PIEZO2: variants seen among roughly 807,000 people sequenced by gnomAD.
PIEZO2 encodes the protein piezo type mechanosensitive ion channel component 2, also known as piezo-type mechanosensitive ion channel component 2.
Under a neutral mutation model 337.3 loss-of-function variants are expected in PIEZO2, and 172 were observed. The observed-to-expected ratio is 0.51, with a 90% CI of 0.45 to 0.58. PIEZO2 has a LOEUF of 0.58. Among genes scored for constraint, PIEZO2 ranks in the 20% least tolerant of loss-of-function variants. The pLI is 0.00. For missense variants in PIEZO2, 3,028 were observed against 3,391.3 expected (o/e 0.89, Z 2.66); for synonymous variants, 1,251 against 1,228.5 (o/e 1.02, Z -0.38).
In PIEZO2 at chr18:10,724,801, G is replaced by A; in HGVS notation, c.5030-6542C>T. On this transcript the variant is annotated intron_variant, in intron 36 of 55. Coordinates refer to ENST00000674853, the MANE Select transcript of PIEZO2 (RefSeq NM_001378183.1). The surrounding 1 kb of genome is among the most constrained non-coding windows in gnomAD (Gnocchi z 5.8). Reference sequence around the variant, plus strand: ...CCCCCCAGCACTGCAGCCCCAGCCTGAGCAGCAGTCGTTCTCACAGATGCA... The same window carrying A: ...CCCCCCAGCACTGCAGCCCCAGCCTAAGCAGCAGTCGTTCTCACAGATGCA... 3 of 1,588,402 alleles carry A rather than the reference G, an allele frequency of 1.9e-6. No homozygotes were observed. Among genetic ancestry groups the A allele is most frequent in the Non-Finnish European group, 1.7e-6 (2 of 1,165,828 alleles).
chr18:10,931,665 C>G (rs1039813649), intron 3 of PIEZO2, among the ~76,000 whole-genome samples: 2 of 151,956 alleles, frequency 1.3e-5, no homozygotes, highest in African/African-American at 4.8e-5. Flanking sequence ...TCTGTTCTCT[C>G]TCCCTCTCAT....
At chr18:11,123,582 G>C (rs1160760722) in intron 1 of PIEZO2, among the ~76,000 whole-genome samples, 1 of 152,144 alleles carries the variant, frequency 6.6e-6, no homozygotes, top group Admixed American at 6.5e-5. Flanking sequence ...GCCGAGGCGG[G>C]CGGATCATGA....
At position 10,706,365 on chromosome 18, in the gene PIEZO2, G is replaced by A. The variant is rs114790049; in HGVS notation, c.5589-619C>T. Among the ~76,000 whole-genome samples the A allele has an allele frequency of 8.1e-3, 1,231 of 152,022 alleles. 18 individuals carry two copies. The highest frequency in any genetic ancestry group is 0.028 in the African/African-American group (1,145 of 41,438). On this transcript the variant is annotated intron_variant, in intron 40 of 55. Coordinates refer to ENST00000674853, the MANE Select transcript of PIEZO2 (RefSeq NM_001378183.1). ...CCTTTTTTGCATTTCTGTGCATCCCGTCTGCGGAATCTCCACCCTCGTCCC... is the reference window on the plus strand; with the variant it reads ...CCTTTTTTGCATTTCTGTGCATCCCATCTGCGGAATCTCCACCCTCGTCCC...
At position 10,856,918 on chromosome 18, in the gene PIEZO2, A is replaced by C. The variant is rs1008079362; in HGVS notation, c.703+83T>G. Reference sequence around the variant, plus strand: ...TGTGGTGGAACAGACTGTTTCCTTCATTTCTTCTTCAACCATTTCTCTCAT... The same window carrying C: ...TGTGGTGGAACAGACTGTTTCCTTCCTTTCTTCTTCAACCATTTCTCTCAT... On this transcript the variant is annotated intron_variant, in intron 6 of 55. Coordinates refer to ENST00000674853, the MANE Select transcript of PIEZO2 (RefSeq NM_001378183.1). This position sits in a 1 kb window ranked among gnomAD's most constrained non-coding sequence, Gnocchi z 4.7. 37 of 1,278,920 alleles carry C rather than the reference A, an allele frequency of 2.9e-5. No homozygotes were observed. Among genetic ancestry groups the C allele is most frequent in the Non-Finnish European group, 3.8e-5 (35 of 919,444 alleles). 79.2% of individuals were successfully genotyped at this position (1,278,920 alleles called of 1,614,324 possible).
Position 11,048,436 on chromosome 18 carries a change from T to C in PIEZO2, c.160+17691A>G, listed in dbSNP as rs1056735023. ...GCATATTTTGTACCAGTATTCTCAGTGTGTTTATTTGACTTCCCTGCTTAA... is the reference window on the plus strand; with the variant it reads ...GCATATTTTGTACCAGTATTCTCAGCGTGTTTATTTGACTTCCCTGCTTAA... On this transcript the variant is annotated intron_variant, in intron 2 of 55. Transcript: ENST00000674853. The surrounding 1 kb of genome is among the most constrained non-coding windows in gnomAD (Gnocchi z 4.5). Among the ~76,000 whole-genome samples, 4 of 152,156 alleles carry C rather than the reference T, an allele frequency of 2.6e-5. No homozygotes were observed. The highest frequency in any genetic ancestry group is 9.7e-5 in the African/African-American group (4 of 41,432).
intron 2 of PIEZO2, among the ~76,000 whole-genome samples, chr18:10,990,592 G>T (rs568504869): frequency 6.6e-6 from 1 of 151,716 alleles, no homozygotes; most frequent in South Asian, 2.1e-4. Flanking sequence ...ATATATACAT[G>T]ATAATTTTAT....
chr18:10,682,376 C>T lies in PIEZO2; in HGVS notation c.7498-84G>A. On this transcript the variant is annotated intron_variant, in intron 49 of 55. Coordinates refer to ENST00000674853, the MANE Select transcript of PIEZO2 (RefSeq NM_001378183.1). The surrounding 1 kb of genome is among the most constrained non-coding windows in gnomAD (Gnocchi z 5.6). ...GCGGGATTGGGGGAGAGCGAGTGCT[C>T]TTCCTGTGGTGCTGGGAACATGGAT... The T allele has an allele frequency of 1.6e-6, 2 of 1,217,968 alleles. No homozygotes were observed. Among genetic ancestry groups the T allele is most frequent in the South Asian group, 3.0e-5 (2 of 67,170 alleles). 75.4% of individuals were successfully genotyped at this position (1,217,968 alleles called of 1,614,324 possible).
chr18:11,057,834 A>T (rs894831253), intron 2 of PIEZO2, among the ~76,000 whole-genome samples: 2 of 152,248 alleles, frequency 1.3e-5, no homozygotes, highest in Admixed American at 6.5e-5. Context: ...AAGCATTTTT[A>T]AAAACAAAAT....
At chr18:11,041,685 TA>T (rs889718869) in intron 2 of PIEZO2, among the ~76,000 whole-genome samples, 14 of 151,944 alleles carry the variant, frequency 9.2e-5, no homozygotes, top group African/African-American at 3.1e-4. Context: ...CTTCTTAATG[TA>T]AAAAAAATAC....
At chr18:10,732,325 G>A (rs1202621792) in intron 35 of PIEZO2, among the ~76,000 whole-genome samples, 1 of 152,088 alleles carries the variant, frequency 6.6e-6, no homozygotes, top group Non-Finnish European at 1.5e-5. Context: ...AACACACCTG[G>A]GTCTCAGGGA....
At chr18:10,922,512 G>A (rs554404047) in intron 3 of PIEZO2, among the ~76,000 whole-genome samples, 4 of 152,232 alleles carry the variant, frequency 2.6e-5, no homozygotes, top group Admixed American at 2.0e-4. Flanking sequence ...GGAACCAGGG[G>A]CTGAGCAGAG....
chr18:10,747,622 GGT>G (rs1407452622), intron 30 of PIEZO2, among the ~76,000 whole-genome samples: 1 of 152,174 alleles, frequency 6.6e-6, no homozygotes, highest in Non-Finnish European at 1.5e-5. Flanking sequence ...ACTAACTGCA[GGT>G]CCCCGACTAG....
rs1275247524 is a variant in PIEZO2 at position 10,850,080 on chromosome 18, T to C, written c.917+5273A>G. ...CCTCCCCTAAGTACACCTATCTCTGTCACATAATAAGTCCTACATTTTGTT... is the reference window on the plus strand; with the variant it reads ...CCTCCCCTAAGTACACCTATCTCTGCCACATAATAAGTCCTACATTTTGTT... On this transcript the variant is annotated intron_variant, in intron 7 of 55. Coordinates refer to ENST00000674853, the MANE Select transcript of PIEZO2 (RefSeq NM_001378183.1). The surrounding 1 kb of genome is among the most constrained non-coding windows in gnomAD (Gnocchi z 4.5). Among the ~76,000 whole-genome samples the C allele has an allele frequency of 6.6e-6, 1 of 152,218 alleles. No homozygotes were observed. The highest frequency in any genetic ancestry group is 1.5e-5 in the Non-Finnish European group (1 of 68,052).
Position 10,758,118 on chromosome 18 carries a change from A to G in PIEZO2, c.3774T>C (p.Leu1258=). Reference sequence around the variant, plus strand: ...TCTGCCGTTGTAAGGAGGCACACAGAAGCAGCATGAAGTCATCTAACAAGA... The same window carrying G: ...TCTGCCGTTGTAAGGAGGCACACAGGAGCAGCATGAAGTCATCTAACAAGA... ...PVFLVYDFML[L]LCASLQRQIF... The change falls in exon 27 of 56, where the codon CTT becomes CTC. Residue 1258 remains leucine, a synonymous_variant. Coordinates refer to ENST00000674853, the MANE Select transcript of PIEZO2 (RefSeq NM_001378183.1). The G allele has an allele frequency of 6.5e-7, 1 of 1,537,552 alleles. No homozygotes were observed. Among genetic ancestry groups the G allele is most frequent in the South Asian group, 1.2e-5 (1 of 84,030 alleles).
intron 27 of PIEZO2, among the ~76,000 whole-genome samples, chr18:10,756,837 G>A (rs2037879789): frequency 1.3e-5 from 2 of 150,358 alleles, no homozygotes; most frequent in South Asian, 4.3e-4. Context: ...ATGAGGAATG[G>A]GGATTAAGGA....
chr18:10,779,789 G>C (rs1047506843), intron 18 of PIEZO2, among the ~76,000 whole-genome samples: 3 of 152,136 alleles, frequency 2.0e-5, no homozygotes, highest in African/African-American at 7.2e-5. Flanking sequence ...ATCATAGAGG[G>C]AGTCCAGATC....
At chr18:10,690,280 G>C (rs1352260212) in intron 48 of PIEZO2, among the ~76,000 whole-genome samples, 2 of 152,194 alleles carry the variant, frequency 1.3e-5, no homozygotes, top group Non-Finnish European at 2.9e-5. Flanking sequence ...GGACTTGCTG[G>C]AGTACCACAG....
chr18:11,087,369 C>T (rs149470122), intron 1 of PIEZO2, among the ~76,000 whole-genome samples: 198 of 152,308 alleles, frequency 1.3e-3, no homozygotes, highest in African/African-American at 4.6e-3. Context: ...CAGGGCCAGT[C>T]CACCTTCTCT....
rs1227296760 is a variant in PIEZO2, at chr18:10,840,465, T to C, written c.917+14888A>G. Among the ~76,000 whole-genome samples the C allele has an allele frequency of 2.0e-5, 3 of 152,118 alleles. No individual in the cohort carries two copies. The East Asian group carries it at 5.8e-4, about 29-fold the overall frequency. ...GGTCCTTTTTTATTGAGGGTAGCAATGGAAGGAAGGTGAATACACCATTTT... is the reference window on the plus strand; with the variant it reads ...GGTCCTTTTTTATTGAGGGTAGCAACGGAAGGAAGGTGAATACACCATTTT... On this transcript the variant is annotated intron_variant, in intron 7 of 55. Coordinates refer to ENST00000674853, the MANE Select transcript of PIEZO2 (RefSeq NM_001378183.1).
Sources: gnomAD v4.1 joint callset for allele counts (sites outside exome capture counted in the v4.1 genomes callset) on GRCh38, gnomAD v4.1.1 for gene constraint, Gnocchi (gnomAD v3.1) non-coding constraint, MANE v1.5 for transcripts, NCBI Gene and HGNC (gene_info 2026-07-23, HGNC 2026-07-21) for gene names.